Variants in RIMBP2 observed in about 807,000 individuals in gnomAD.
RIMBP2 encodes RIMS binding protein 2.
RIMBP2 carries 48 observed loss-of-function variants against 118.6 expected under a neutral mutation model. That is an observed-to-expected ratio of 0.40 (90% CI 0.32 to 0.51). The LOEUF (loss-of-function observed/expected upper bound fraction) is 0.51. RIMBP2 is among the 20% of genes least tolerant of loss of function. The pLI is 0.41. For synonymous variants in RIMBP2, 762 were observed against 742.9 expected, an observed-to-expected ratio of 1.03 and a Z score of -0.42; for missense variants, 1,551 against 1,768.3, an observed-to-expected ratio of 0.88 and a Z score of 2.20.
At chr12:130,708,989 A>G (rs1217217460) in intron 1 of RIMBP2, among the ~76,000 whole-genome samples, 2 of 152,204 alleles carry the variant, frequency 1.3e-5, no homozygotes, top group African/African-American at 4.8e-5. Context: ...CTATTGTCTC[A>G]TCTGTAAAAT....
At chr12:130,691,093 G>A (rs769843768) in intron 1 of RIMBP2, among the ~76,000 whole-genome samples, 3 of 152,190 alleles carry the variant, frequency 2.0e-5, no homozygotes, top group East Asian at 3.8e-4. Context: ...TGCCAGCCCC[G>A]ACTCAACAGG....
chr12:130,544,038 T>G (rs1382042009), intron 2 of RIMBP2, among the ~76,000 whole-genome samples: 1 of 152,228 alleles, frequency 6.6e-6, no homozygotes, highest in African/African-American at 2.4e-5. Flanking sequence ...ACATTTTAAT[T>G]AGATCCCTTG....
intron 2 of RIMBP2, among the ~76,000 whole-genome samples, chr12:130,535,277 T>TCA (rs1212827242): frequency 3.3e-5 from 5 of 151,804 alleles, no homozygotes; most frequent in Non-Finnish European, 2.9e-5. Context: ...GATGGGAGAA[T>TCA]CACATAAGGC....
intron 21 of RIMBP2, 55 bp from the exon 22 acceptor site, chr12:130,399,868 C>T: frequency 6.3e-7 from 1 of 1,590,282 alleles, no homozygotes; most frequent in Non-Finnish European, 8.6e-7. Flanking sequence ...AAACCCACAT[C>T]TTGCTTTGGC....
chr12:130,713,188 A>AGG (rs1225476108), intron 1 of RIMBP2, among the ~76,000 whole-genome samples: 3 of 142,982 alleles, frequency 2.1e-5, no homozygotes, highest in South Asian at 2.4e-4. Flanking sequence ...GAAGGAAGGA[A>AGG]AGAAGGAAGG....
In RIMBP2 at chr12:130,406,166, A is replaced by G. The variant is rs755849569; in HGVS notation, c.3765+6T>C. 6.7e-7 allele frequency: 1 copy of G among 1,488,566 alleles called. No homozygotes were observed. The highest frequency in any genetic ancestry group is 2.3e-5 in the East Asian group (1 of 44,254). 92.2% of individuals were successfully genotyped at this position (1,488,566 alleles called of 1,614,324 possible). On this transcript the variant is annotated splice_donor_region_variant and intron_variant, in intron 21 of 22. Coordinates refer to ENST00000690449, the MANE Select transcript of RIMBP2 (RefSeq NM_001393629.1). Reference sequence around the variant, plus strand: ...AATGGTACTTCTTGATATTTCAAAAACTTACATAATAAAATCCATCTTCAT... The same window carrying G: ...AATGGTACTTCTTGATATTTCAAAAGCTTACATAATAAAATCCATCTTCAT...
intron 12 of RIMBP2, 29 bp downstream of exon 12, chr12:130,438,336 C>CCGGGGGGGGG: frequency 1.2e-6 from 1 of 844,142 alleles, no homozygotes; most frequent in Non-Finnish European, 2.0e-6. Flanking sequence ...GCCTAACAAA[C>CCGGGGGGGGG]CCTCCCCACC....
intron 3 of RIMBP2, among the ~76,000 whole-genome samples, chr12:130,514,864 G>A (rs1007076540): frequency 2.6e-5 from 4 of 151,248 alleles, no homozygotes; most frequent in African/African-American, 9.8e-5. Context: ...ACTAATTGGA[G>A]GGTCAGGATA....
At chr12:130,600,448 C>T (rs2059803306) in intron 2 of RIMBP2, among the ~76,000 whole-genome samples, 1 of 152,062 alleles carries the variant, frequency 6.6e-6, no homozygotes, top group African/African-American at 2.4e-5. Flanking sequence ...ATGTCGGCCC[C>T]AACAGAACCT....
chr12:130,494,977 G>A (rs770157234), intron 4 of RIMBP2, among the ~76,000 whole-genome samples: 4 of 152,196 alleles, frequency 2.6e-5, no homozygotes, highest in African/African-American at 4.8e-5. Context: ...AGCTGCTGGC[G>A]TGGCCACGAT....
chr12:130,645,388 T>C (rs1373043640), intron 1 of RIMBP2, among the ~76,000 whole-genome samples: 2 of 152,188 alleles, frequency 1.3e-5, no homozygotes, highest in East Asian at 1.9e-4. Context: ...TAAACCAGAA[T>C]TGAATTTTGT....
chr12:130,579,218 T>C (rs80047006), intron 2 of RIMBP2, among the ~76,000 whole-genome samples: 2,596 of 152,256 alleles, frequency 0.017, 75 homozygotes, highest in African/African-American at 0.059. Flanking sequence ...GCTTATCCCA[T>C]TCCCTGGCTA....
chr12:130,617,714 A>C lies in RIMBP2; in HGVS notation c.-217+10608T>G, dbSNP rs2061033492. Among the ~76,000 whole-genome samples the C allele has an allele frequency of 6.6e-6, 1 of 152,208 alleles. No homozygotes were observed. Among genetic ancestry groups the C allele is most frequent in the Non-Finnish European group, 1.5e-5 (1 of 68,038 alleles). ...AGCAGCCCAGCACCTTCAGTCCTCG[A>C]AGGTCCGCAGATGCACCCCAGTTCT... On this transcript the variant is annotated intron_variant, in intron 2 of 22. Coordinates refer to ENST00000690449, the MANE Select transcript of RIMBP2 (RefSeq NM_001393629.1). The surrounding 1 kb of genome is among the most constrained non-coding windows in gnomAD (Gnocchi z 4.6).
At chr12:130,520,672 CAAAAAAAAAAAAA>C (rs1162018669) in intron 2 of RIMBP2, among the ~76,000 whole-genome samples, 1 of 68,836 alleles carries the variant, frequency 1.5e-5, no homozygotes, top group Non-Finnish European at 2.8e-5. Context: ...AACTCCATCT[CAAAAAAAAAAAAA>C]AAAAAAAAAG....
chr12:130,557,986 T>C (rs1344380162), intron 2 of RIMBP2, among the ~76,000 whole-genome samples: 1 of 152,122 alleles, frequency 6.6e-6, no homozygotes, highest in Non-Finnish European at 1.5e-5. Context: ...GTCCACCTCA[T>C]TGTGTTGCAG....
chr12:130,663,032 T>G (rs915323602), intron 1 of RIMBP2, among the ~76,000 whole-genome samples: 10 of 152,200 alleles, frequency 6.6e-5, no homozygotes, highest in African/African-American at 2.4e-4. Context: ...AGAAGGCACC[T>G]GGATATTTTT....
chr12:130,452,090 G>A (rs977617309), intron 7 of RIMBP2, among the ~76,000 whole-genome samples: 5 of 152,174 alleles, frequency 3.3e-5, no homozygotes, highest in African/African-American at 4.8e-5. Flanking sequence ...AGACGACAGC[G>A]CAGCACTTTA....
chr12:130,582,380 C>T (rs995645345), intron 2 of RIMBP2, among the ~76,000 whole-genome samples: 1 of 152,206 alleles, frequency 6.6e-6, no homozygotes, highest in Non-Finnish European at 1.5e-5. Flanking sequence ...TCAGAGAAGT[C>T]AGACTGTTTG....
chr12:130,636,186 C>G (rs1282827745), intron 1 of RIMBP2, among the ~76,000 whole-genome samples: 3 of 152,186 alleles, frequency 2.0e-5, no homozygotes, highest in Non-Finnish European at 4.4e-5. Flanking sequence ...CTCCTTGTCC[C>G]GACATGGCTG....
Sources: gnomAD v4.1 joint callset for allele counts (sites outside exome capture counted in the v4.1 genomes callset) on GRCh38, gnomAD v4.1.1 for gene constraint, Gnocchi (gnomAD v3.1) non-coding constraint, MANE v1.5 for transcripts, NCBI Gene and HGNC (gene_info 2026-07-23, HGNC 2026-07-21) for gene names.